The following ANKRD31 variants were observed in gnomAD, a reference collection of about 807,000 sequenced individuals.
The protein encoded by ANKRD31 is ankyrin repeat domain-containing protein 31.
A neutral mutation model predicts 186.0 loss-of-function variants in ANKRD31; 147 were observed. The ratio of observed to expected loss-of-function variants is 0.79; its 90% CI spans 0.69 to 0.91. The LOEUF is 0.91. ANKRD31 is among the 40% of genes least tolerant of loss of function. The probability of loss-of-function intolerance (pLI) is 0.00; values close to 1 mark genes in which losing one functional copy is unlikely to be tolerated. For synonymous variants in ANKRD31, 673 were observed against 736.4 expected (o/e 0.91, Z 1.39); for missense variants, 1,986 against 2,148.8 (o/e 0.92, Z 1.50).
chr5:75,117,474 C>T (rs767726871), intron 18 of ANKRD31, among the ~76,000 whole-genome samples: 3 of 152,060 alleles, frequency 2.0e-5, no homozygotes, highest in Non-Finnish European at 2.9e-5. Flanking sequence ...TTAGCTCTGA[C>T]GAATTATATC....
At chr5:75,136,572 T>A (rs1363851978) in intron 17 of ANKRD31, among the ~76,000 whole-genome samples, 1 of 152,214 alleles carries the variant, frequency 6.6e-6, no homozygotes, top group Non-Finnish European at 1.5e-5. Flanking sequence ...GGTGGGACTG[T>A]AAACTAGTTC....
chr5:75,100,503 G>A (rs1580324917), intron 22 of ANKRD31, among the ~76,000 whole-genome samples: 1 of 152,148 alleles, frequency 6.6e-6, no homozygotes, highest in East Asian at 1.9e-4. Flanking sequence ...TCGTTGATCT[G>A]TCTAATGTTG....
chr5:75,185,978 G>C (rs1754685554), intron 10 of ANKRD31, among the ~76,000 whole-genome samples: 1 of 152,176 alleles, frequency 6.6e-6, no homozygotes, highest in Non-Finnish European at 1.5e-5. Flanking sequence ...TTTCAGGGCT[G>C]AAAGAAGTTC....
chr5:75,083,071 A>G (rs1010184504), intron 24 of ANKRD31, among the ~76,000 whole-genome samples: 4 of 152,212 alleles, frequency 2.6e-5, no homozygotes, highest in Non-Finnish European at 5.9e-5. Flanking sequence ...TTGCATATAC[A>G]TGAGATATCT....
rs1160575604 is a variant in ANKRD31, at chr5:75,147,257, T to G, written c.2154A>C (p.Lys718Asn). 5.9e-6 allele frequency: 9 copies of G among 1,536,224 alleles called. No homozygotes were observed. In the Admixed American group the frequency reaches 1.6e-4, roughly 27 times the overall value. ...CTTTTGGTACGTTTGTGTTGGGATC[T>G]TTGACGTTATGGAGATTGCCCTTTC... Reference protein sequence around the residue: ...GLRKGNLHNVKDPNTNVPKGI... With the variant: ...GLRKGNLHNVNDPNTNVPKGI... The change falls in exon 14 of 26, where the codon AAA becomes AAC. Residue 718 changes from lysine to asparagine, a missense_variant. Lys to Asn is a moderately conservative substitution (Grantham distance 94, BLOSUM62 0). Coordinates refer to ENST00000506364, the MANE Select transcript of ANKRD31 (RefSeq NM_001372053.1).
intron 2 of ANKRD31, among the ~76,000 whole-genome samples, chr5:75,228,627 A>C (rs1757777256): frequency 6.6e-6 from 1 of 152,216 alleles, no homozygotes; most frequent in South Asian, 2.1e-4. Flanking sequence ...GGATATATAA[A>C]TACTAAAGAC....
intron 11 of ANKRD31, among the ~76,000 whole-genome samples, chr5:75,158,211 C>T (rs549482515): frequency 6.6e-6 from 1 of 152,098 alleles, no homozygotes; most frequent in Non-Finnish European, 1.5e-5. Flanking sequence ...ACACCAGATC[C>T]AACAGTAAAA....
chr5:75,134,645 T>C (rs540238450), intron 17 of ANKRD31, among the ~76,000 whole-genome samples: 5 of 152,146 alleles, frequency 3.3e-5, no homozygotes, highest in African/African-American at 1.2e-4. Flanking sequence ...AAAGAGGGAA[T>C]CCTCCCTAAC....
At chr5:75,202,809 G>A (rs544816697) in intron 5 of ANKRD31, among the ~76,000 whole-genome samples, 2 of 152,306 alleles carry the variant, frequency 1.3e-5, no homozygotes, top group African/African-American at 4.8e-5. Context: ...TACTCTGAAA[G>A]GAGTAAAGGC....
At chr5:75,139,200 TCA>T (rs1750826651) in intron 15 of ANKRD31, among the ~76,000 whole-genome samples, 1 of 152,220 alleles carries the variant, frequency 6.6e-6, no homozygotes, top group Non-Finnish European at 1.5e-5. Flanking sequence ...AGTTGATTAA[TCA>T]CTCTATCAAA....
intron 10 of ANKRD31, among the ~76,000 whole-genome samples, chr5:75,182,800 C>T (rs1028467367): frequency 5.3e-5 from 8 of 151,566 alleles, no homozygotes; most frequent in African/African-American, 1.9e-4. Flanking sequence ...CTCCTTGAGC[C>T]CTGAATGCCT....
At chr5:75,108,348 C>T (rs986866170) in intron 20 of ANKRD31, among the ~76,000 whole-genome samples, 3 of 151,894 alleles carry the variant, frequency 2.0e-5, no homozygotes, top group Admixed American at 1.3e-4. Flanking sequence ...TAAATTTTCC[C>T]GACTTTCTTC....
chr5:75,090,642 A>T (rs1455458228), intron 23 of ANKRD31, among the ~76,000 whole-genome samples: 4 of 152,180 alleles, frequency 2.6e-5, no homozygotes, highest in Non-Finnish European at 5.9e-5. Context: ...CTGCAGGTGG[A>T]TGAACACTAG....
intron 1 of ANKRD31, among the ~76,000 whole-genome samples, chr5:75,232,639 A>C (rs944396987): frequency 2.0e-5 from 3 of 151,962 alleles, no homozygotes; most frequent in Non-Finnish European, 4.4e-5. Context: ...ACTATTCTAT[A>C]TCTTGATTGT....
chr5:75,138,485 C>A (rs1000018853), intron 16 of ANKRD31, among the ~76,000 whole-genome samples: 1 of 151,858 alleles, frequency 6.6e-6, no homozygotes. Context: ...GAAAAAGGAA[C>A]AGTATAAAAG....
intron 11 of ANKRD31, among the ~76,000 whole-genome samples, chr5:75,158,284 C>T (rs1427859031): frequency 1.3e-5 from 2 of 152,086 alleles, no homozygotes; most frequent in Non-Finnish European, 1.5e-5. Flanking sequence ...TAATTGACCA[C>T]TAAATGGTCT....
Position 75,107,521 on chromosome 5 carries a change from C to A in ANKRD31, c.4340G>T (p.Arg1447Met). The part of the protein sequence containing the change: ...AERDDLAKKY[R>M]VSIESFKHGA... Reference sequence around the variant, plus strand: ...TCTTTTTTTTTCTTTTTCTACTCACCTGTATTTTTTAGCCAGATCATCCCT... The same window carrying A: ...TCTTTTTTTTTCTTTTTCTACTCACATGTATTTTTTAGCCAGATCATCCCT... The change falls in exon 21 of 26, where the codon AGG becomes ATG. Residue 1447 changes from arginine (R) to methionine (M), a missense_variant and splice_region_variant. Physicochemically the swap from Arg to Met is moderately conservative, Grantham distance 91. Transcript: ENST00000506364. 6.6e-7 allele frequency: 1 copy of A among 1,513,260 alleles called. No homozygotes were observed. Among genetic ancestry groups the A allele is most frequent in the Non-Finnish European group, 8.8e-7 (1 of 1,132,366 alleles). The allele number at this position is 1,513,260 out of a possible 1,614,324, so 93.7% of individuals were successfully genotyped here.
At chr5:75,087,198 T>A (rs1175527763) in intron 23 of ANKRD31, among the ~76,000 whole-genome samples, 1 of 152,174 alleles carries the variant, frequency 6.6e-6, no homozygotes, top group Non-Finnish European at 1.5e-5. Flanking sequence ...AACCATTTGT[T>A]GGTATTGACT....
chr5:75,178,648 G>A (rs1754018010), intron 10 of ANKRD31, among the ~76,000 whole-genome samples: 1 of 152,086 alleles, frequency 6.6e-6, no homozygotes, highest in Admixed American at 6.6e-5. Context: ...GGTACATAAT[G>A]AAATGAAGGC....
Sources: allele counts gnomAD v4.1 joint callset (sites outside exome capture counted in the v4.1 genomes callset), GRCh38; gene constraint gnomAD v4.1.1; transcripts MANE v1.5; gene names NCBI Gene and HGNC (gene_info 2026-07-23, HGNC 2026-07-21).